Variants in TRPM3 observed in about 807,000 individuals in gnomAD.
The protein encoded by TRPM3 is long transient receptor potential channel 3.
A neutral mutation model predicts 181.2 loss-of-function variants in TRPM3; 77 were observed. That is an observed-to-expected ratio of 0.42 (90% confidence interval 0.35 to 0.51). TRPM3 has a LOEUF of 0.51. Ranked by LOEUF, TRPM3 falls within the 20% of genes least tolerant of loss-of-function variation. The pLI is 0.01. For synonymous variants in TRPM3, 745 were observed against 796.4 expected, an observed-to-expected ratio of 0.94 and a Z score of 1.09; for missense variants, 1,759 against 2,196.7, an observed-to-expected ratio of 0.80 and a Z score of 3.98.
At chr9:70,542,647 G>A (rs1251832151) in intron 25 of TRPM3, among the ~76,000 whole-genome samples, 1 of 152,210 alleles carries the variant, frequency 6.6e-6, no homozygotes, top group Non-Finnish European at 1.5e-5. Flanking sequence ...CTATTTTATG[G>A]AACTTTATCT....
intron 7 of TRPM3, among the ~76,000 whole-genome samples, chr9:70,766,765 T>C (rs2079215063): frequency 6.6e-6 from 1 of 152,242 alleles, no homozygotes; most frequent in Non-Finnish European, 1.5e-5. Context: ...AGTAACACCA[T>C]GATTCTTCCC....
intron 1 of TRPM3, among the ~76,000 whole-genome samples, chr9:71,381,279 A>G (rs2092793911): frequency 6.6e-6 from 1 of 152,170 alleles, no homozygotes; most frequent in South Asian, 2.1e-4. Flanking sequence ...TCAGACTGGT[A>G]GATTAGGGAA....
At chr9:71,386,374 G>A (rs569260074) in intron 1 of TRPM3, among the ~76,000 whole-genome samples, 4 of 151,812 alleles carry the variant, frequency 2.6e-5, no homozygotes, top group Admixed American at 6.6e-5. Context: ...ACTTGAACCC[G>A]AGAAGTGGAG....
At chr9:70,982,154 G>C (rs4745049) in intron 1 of TRPM3, among the ~76,000 whole-genome samples, 4 of 151,934 alleles carry the variant, frequency 2.6e-5, no homozygotes, top group Non-Finnish European at 5.9e-5. Flanking sequence ...GTCTCAGCTG[G>C]CTTATTTCTC....
intron 1 of TRPM3, among the ~76,000 whole-genome samples, chr9:70,905,744 C>CT (rs35625466): frequency 0.18 from 25,667 of 146,350 alleles, 2,763 homozygotes; most frequent in East Asian, 0.36. Context: ...AAAGTCGTTT[C>CT]TTTTTTTTTT....
At chr9:71,396,635 G>A (rs2132990066) in intron 1 of TRPM3, among the ~76,000 whole-genome samples, 1 of 151,090 alleles carries the variant, frequency 6.6e-6, no homozygotes, top group Non-Finnish European at 1.5e-5. Context: ...AAAGTTAAAA[G>A]TCGAACTTTG....
At chr9:71,142,449 T>C (rs912784773) in intron 1 of TRPM3, among the ~76,000 whole-genome samples, 2 of 152,176 alleles carry the variant, frequency 1.3e-5, no homozygotes, top group African/African-American at 4.8e-5. Context: ...AGGTTTTGAC[T>C]TTTTAATAAG....
At chr9:71,174,569 C>A (rs1346445158) in intron 1 of TRPM3, among the ~76,000 whole-genome samples, 1 of 151,934 alleles carries the variant, frequency 6.6e-6, no homozygotes, top group Non-Finnish European at 1.5e-5. Flanking sequence ...GAAGTTACAG[C>A]TTTGGAGAGA....
At chr9:70,877,499 C>G (rs1180434225) in intron 1 of TRPM3, among the ~76,000 whole-genome samples, 1 of 151,880 alleles carries the variant, frequency 6.6e-6, no homozygotes, top group African/African-American at 2.4e-5. Context: ...AGAACTACCT[C>G]CCTCCAGGGA....
intron 1 of TRPM3, among the ~76,000 whole-genome samples, chr9:71,236,564 A>T (rs1485086355): frequency 2.0e-5 from 3 of 152,170 alleles, no homozygotes; most frequent in Non-Finnish European, 4.4e-5. Flanking sequence ...GCTGTTCCCC[A>T]AACCTCCAGA....
At chr9:70,917,535 G>A (rs1216902118) in intron 1 of TRPM3, 1 of 683,242 alleles carries the variant, frequency 1.5e-6, no homozygotes, top group African/African-American at 1.8e-5. Flanking sequence ...ACGCAGCTTT[G>A]TTTTCTTCTT....
intron 6 of TRPM3, among the ~76,000 whole-genome samples, chr9:70,789,295 C>T (rs947246017): frequency 3.9e-5 from 6 of 152,166 alleles, no homozygotes; most frequent in Non-Finnish European, 8.8e-5. Context: ...ATTCATAGGG[C>T]TCACTGCCAT....
intron 22 of TRPM3, among the ~76,000 whole-genome samples, chr9:70,563,555 C>A (rs1215275587): frequency 6.6e-6 from 1 of 152,150 alleles, no homozygotes; most frequent in African/African-American, 2.4e-5. Context: ...GGAGTGAGTT[C>A]ATTGAATGGC....
At chr9:71,412,402 GA>G (rs1003327474) in intron 1 of TRPM3, among the ~76,000 whole-genome samples, 2 of 151,630 alleles carry the variant, frequency 1.3e-5, no homozygotes, top group Non-Finnish European at 2.9e-5. Flanking sequence ...AAATTTACAG[GA>G]AAAAAAATCA....
At chr9:71,027,916 T>TC (rs1257716810) in intron 1 of TRPM3, among the ~76,000 whole-genome samples, 1 of 152,106 alleles carries the variant, frequency 6.6e-6, no homozygotes, top group African/African-American at 2.4e-5. Context: ...CATGAAAACT[T>TC]CCCCAACCTA....
chr9:71,392,260 T>C lies in TRPM3; in HGVS notation c.183+54393A>G, dbSNP rs187915911. Among the ~76,000 whole-genome samples, 7 of 152,214 alleles carry C rather than the reference T, an allele frequency of 4.6e-5. No homozygotes were observed. The East Asian group carries it at 1.4e-3, about 29-fold the overall frequency. ...GAATTGGGACATCAGACTGGCAGTT[T>C]GAACTTTGGTTAGAGAGAAAAGTAA... On this transcript the variant is annotated intron_variant, in intron 1 of 24. Transcript: ENST00000357533.
At chr9:71,147,530 T>C (rs1430649905) in intron 1 of TRPM3, among the ~76,000 whole-genome samples, 1 of 151,978 alleles carries the variant, frequency 6.6e-6, no homozygotes, top group Non-Finnish European at 1.5e-5. Flanking sequence ...CTCTTCCTTA[T>C]AAGGGAACTC....
intron 1 of TRPM3, among the ~76,000 whole-genome samples, chr9:71,171,394 G>A (rs1249579099): frequency 6.6e-6 from 1 of 151,812 alleles, no homozygotes; most frequent in African/African-American, 2.4e-5. Context: ...TTTGTGGCTT[G>A]TGGGGCATCA....
intron 6 of TRPM3, among the ~76,000 whole-genome samples, chr9:70,818,974 C>T (rs1392822692): frequency 6.6e-6 from 1 of 152,224 alleles, no homozygotes; most frequent in Non-Finnish European, 1.5e-5. Flanking sequence ...TTGAATCTCA[C>T]TGCCATTCAC....
Sources: gnomAD v4.1 joint callset for allele counts (sites outside exome capture counted in the v4.1 genomes callset) on GRCh38, gnomAD v4.1.1 for gene constraint, MANE v1.5 for transcripts, NCBI Gene and HGNC (gene_info 2026-07-23, HGNC 2026-07-21) for gene names.